RTL4: variants seen among roughly 807,000 people sequenced by gnomAD.
RTL4 encodes the protein retrotransposon Gag like 4, also known as retrotransposon Gag-like protein 4.
Under a neutral mutation model 5.3 loss-of-function variants are expected in RTL4, and 4 were observed. The ratio of observed to expected loss-of-function variants is 0.75; its 90% CI spans 0.37 to 1.72. The LOEUF (loss-of-function observed/expected upper bound fraction) is 1.72. Among genes scored for constraint, RTL4 ranks in the 40% most tolerant of loss-of-function variants. The pLI, the probability that RTL4 is intolerant of heterozygous loss-of-function variation, is 0.04. For synonymous variants in RTL4, 98 were observed against 87.3 expected, an observed-to-expected ratio of 1.12 and a Z score of -0.68; for missense variants, 260 against 227.1, an observed-to-expected ratio of 1.14 and a Z score of -0.93.
At chrX:112,134,176 T>C in the RTL4 span, among the ~76,000 whole-genome samples, 2 of 112,139 alleles carry the variant, frequency 1.8e-5, no homozygotes, top group East Asian at 5.6e-4. Flanking sequence ...GCCTCTCTGA[T>C]TGAAGCAGGA....
At chrX:112,202,514 G>T in the RTL4 span, among the ~76,000 whole-genome samples, 25 of 105,248 alleles carry the variant, frequency 2.4e-4, no homozygotes, top group East Asian at 7.3e-3. Context: ...GAGTCATATG[G>T]TAGTTGCATG....
At chrX:112,182,753 T>C in the RTL4 span, among the ~76,000 whole-genome samples, 1 of 112,162 alleles carries the variant, frequency 8.9e-6, no homozygotes, top group Non-Finnish European at 1.9e-5. Flanking sequence ...TTCAGGATAT[T>C]ATCCAGAACT....
the RTL4 span, among the ~76,000 whole-genome samples, chrX:112,311,232 T>C: frequency 9.1e-6 from 1 of 110,445 alleles, no homozygotes; most frequent in Non-Finnish European, 1.9e-5. Flanking sequence ...AGAAGAGTAC[T>C]GAGTGGGAAG....
At chrX:112,144,244 G>A in the RTL4 span, among the ~76,000 whole-genome samples, 1 of 111,187 alleles carries the variant, frequency 9.0e-6, no homozygotes, top group East Asian at 2.8e-4. Context: ...GCCTCTAGTC[G>A]CTCCTTTTAG....
At chrX:112,414,000 T>G in the RTL4 span, among the ~76,000 whole-genome samples, 1 of 110,926 alleles carries the variant, frequency 9.0e-6, no homozygotes, top group African/African-American at 3.3e-5. Flanking sequence ...AATTAAAAAT[T>G]TAGTTAAAAA....
At chrX:112,121,594 A>G in the RTL4 span, among the ~76,000 whole-genome samples, 127 of 112,070 alleles carry the variant, frequency 1.1e-3, 1 homozygote, top group Non-Finnish European at 2.2e-3. Context: ...TGAGGTTAGT[A>G]TGTAACCATG....
chrX:112,119,915 C>T, the RTL4 span, among the ~76,000 whole-genome samples: 30 of 112,117 alleles, frequency 2.7e-4, no homozygotes, highest in Admixed American at 2.5e-3. Flanking sequence ...AAAATGTTTG[C>T]TACCTTTCAT....
the RTL4 span, among the ~76,000 whole-genome samples, chrX:112,192,804 G>C: frequency 9.0e-6 from 1 of 111,430 alleles, no homozygotes; most frequent in African/African-American, 3.2e-5. Context: ...CAAAAATATT[G>C]ATACTATCTT....
the RTL4 span, among the ~76,000 whole-genome samples, chrX:112,198,159 G>A: frequency 4.5e-5 from 5 of 111,550 alleles, no homozygotes; most frequent in African/African-American, 1.6e-4. Context: ...ATGCTCTGAA[G>A]AAAATACTTT....
the RTL4 span, among the ~76,000 whole-genome samples, chrX:112,148,185 A>G: frequency 9.1e-6 from 1 of 109,962 alleles, no homozygotes; most frequent in Non-Finnish European, 1.9e-5. Flanking sequence ...TTTGCTGTTC[A>G]GTGGAATATT....
chrX:112,099,018 G>A, the RTL4 span, among the ~76,000 whole-genome samples: 37 of 112,064 alleles, frequency 3.3e-4, no homozygotes, highest in African/African-American at 1.1e-3. Flanking sequence ...GGCAACAAAA[G>A]CCAAAATTGA....
At chrX:112,199,425 A>C in the RTL4 span, among the ~76,000 whole-genome samples, 1 of 111,536 alleles carries the variant, frequency 9.0e-6, no homozygotes, top group Admixed American at 9.5e-5. Context: ...GAAAGGCACC[A>C]GTAAGGCCTT....
chrX:112,245,787 C>T, the RTL4 span, among the ~76,000 whole-genome samples: 2 of 112,316 alleles, frequency 1.8e-5, no homozygotes, highest in Non-Finnish European at 3.8e-5. Context: ...CTCTGATTTT[C>T]AGAATTTTCA....
chrX:112,336,653 A>T, the RTL4 span, among the ~76,000 whole-genome samples: 1 of 112,503 alleles, frequency 8.9e-6, no homozygotes, highest in Admixed American at 9.4e-5. Flanking sequence ...AAATTCAGTA[A>T]CTAAGTCTAG....
At chrX:112,255,031 C>T in the RTL4 span, among the ~76,000 whole-genome samples, 1 of 111,900 alleles carries the variant, frequency 8.9e-6, no homozygotes, top group Non-Finnish European at 1.9e-5. Flanking sequence ...ACTTACACGT[C>T]TCTCAGTTAC....
the RTL4 span, among the ~76,000 whole-genome samples, chrX:112,160,085 A>T: frequency 8.9e-6 from 1 of 111,932 alleles, no homozygotes; most frequent in Admixed American, 9.5e-5. Flanking sequence ...CCCGAAGCAG[A>T]GGATAAGTAT....
At chrX:112,417,536 A>C in the RTL4 span, among the ~76,000 whole-genome samples, 1 of 111,834 alleles carries the variant, frequency 8.9e-6, no homozygotes, top group Admixed American at 9.5e-5. Flanking sequence ...CACCCAAAAA[A>C]TCCAGGGAAT....
At chrX:112,279,193 G>A in the RTL4 span, among the ~76,000 whole-genome samples, 2 of 111,563 alleles carry the variant, frequency 1.8e-5, no homozygotes, top group Non-Finnish European at 3.8e-5. Flanking sequence ...TTCCCATGCT[G>A]AAGCATATGA....
At chrX:112,421,488 T>C in the RTL4 span, among the ~76,000 whole-genome samples, 1 of 112,169 alleles carries the variant, frequency 8.9e-6, no homozygotes, top group Non-Finnish European at 1.9e-5. Flanking sequence ...AAAACTGTTC[T>C]GGTTCTTTGG....
Sources: allele counts gnomAD v4.1 joint callset (sites outside exome capture counted in the v4.1 genomes callset), GRCh38; gene constraint gnomAD v4.1.1; transcripts MANE v1.5; gene names NCBI Gene and HGNC (gene_info 2026-07-23, HGNC 2026-07-21).